The following REV3L variants were observed in gnomAD, a reference collection of about 807,000 sequenced individuals.
The protein encoded by REV3L is DNA polymerase zeta catalytic subunit.
Under a neutral mutation model 299.4 loss-of-function variants are expected in REV3L, and 69 were observed. The ratio of observed to expected loss-of-function variants is 0.23; its 90% CI spans 0.19 to 0.28. The LOEUF (loss-of-function observed/expected upper bound fraction) is 0.28. Ranked by LOEUF, REV3L falls within the 10% of genes least tolerant of loss-of-function variation. The probability of loss-of-function intolerance (pLI) is 1.00; values close to 1 mark genes in which losing one functional copy is unlikely to be tolerated. For missense variants in REV3L, 3,128 were observed against 3,693.8 expected (o/e 0.85, Z 3.97); for synonymous variants, 1,238 against 1,271.4 (o/e 0.97, Z 0.56).
rs938076769 is a variant in REV3L at position 111,372,733 on chromosome 6, A to C, written c.5622T>G (p.Thr1874=). ...ACATAAGTGGTTTCAGAATGTTAGC[A>C]GTTCGAGGGGTGAAGCTGCCATTTT... ...QSKNGSFTPR[T]ANILKPLMSP... is the part of the protein sequence containing the mutation. The change falls in exon 13 of 32, where the codon ACT becomes ACG. Residue 1874 remains threonine (T), a synonymous_variant. Coordinates refer to ENST00000368802, the MANE Select transcript of REV3L (RefSeq NM_001372078.1). 14 of 1,611,706 alleles carry C rather than the reference A, an allele frequency of 8.7e-6. No individual in the cohort carries two copies. The highest frequency in any genetic ancestry group is 1.2e-5 in the Non-Finnish European group (14 of 1,179,076).
rs1178850529 is a variant in REV3L, at chr6:111,483,096, G to C, written c.-208C>G. ...CCTCAGGAGCACCCGGCAAGGGGCC[G>C]CAGGAGAGAAGCCCTCGAGCTTTCG... On this transcript the variant is annotated 5_prime_UTR_variant, in exon 1 of 32. Transcript: ENST00000368802. The C allele has an allele frequency of 3.6e-6, 2 of 549,156 alleles. No homozygotes were observed. The highest frequency in any genetic ancestry group is 5.9e-6 in the Non-Finnish European group (2 of 336,500). The allele number at this position is 549,156 out of a possible 1,614,324, so 34.0% of individuals were successfully genotyped here.
chr6:111,395,633 T>C (rs1023919469), intron 4 of REV3L, among the ~76,000 whole-genome samples: 4 of 152,184 alleles, frequency 2.6e-5, no homozygotes, highest in African/African-American at 9.7e-5. Flanking sequence ...ATATATATCA[T>C]GTCACCTGTG....
In REV3L at chr6:111,347,283, T is replaced by A. The variant is rs1378563078; in HGVS notation, c.7419+1935A>T. 5.4e-5 allele frequency among the ~76,000 whole-genome samples: 8 copies of A among 148,924 alleles called. No individual in the cohort carries two copies. In the East Asian group the frequency reaches 1.6e-3, roughly 29 times the overall value. Reference sequence around the variant, plus strand: ...GACTCCGTCTCATAAATAAATAAAATAAAAAAAAATATATATATATAATGA... The same window carrying A: ...GACTCCGTCTCATAAATAAATAAAAAAAAAAAAAATATATATATATAATGA... On this transcript the variant is annotated intron_variant, in intron 20 of 31. Coordinates refer to ENST00000368802, the MANE Select transcript of REV3L (RefSeq NM_001372078.1).
chr6:111,475,233 T>C (rs892877228), intron 1 of REV3L, among the ~76,000 whole-genome samples: 17 of 152,320 alleles, frequency 1.1e-4, no homozygotes, highest in African/African-American at 3.8e-4. Context: ...CTGTTGAATA[T>C]ATACACCATA....
chr6:111,389,161 C>T lies in REV3L; in HGVS notation c.807G>A (p.Lys269=). ...PGLQAIWEDE[K]QRRRNRNETS... is the part of the protein sequence containing the mutation. Reference sequence around the variant, plus strand: ...TTTCATTTCTGTTTCTTCGCCGTTGCTTTTCATCTTCCCATATGGCCTGTA... The same window carrying T: ...TTTCATTTCTGTTTCTTCGCCGTTGTTTTTCATCTTCCCATATGGCCTGTA... The change falls in exon 7 of 32, where the codon AAG becomes AAA. Residue 269 remains lysine, a synonymous_variant. Coordinates refer to ENST00000368802, the MANE Select transcript of REV3L (RefSeq NM_001372078.1). The T allele has an allele frequency of 1.2e-6, 2 of 1,613,970 alleles. No homozygotes were observed. Among genetic ancestry groups the T allele is most frequent in the East Asian group, 2.2e-5 (1 of 44,834 alleles).
intron 31 of REV3L, among the ~76,000 whole-genome samples, chr6:111,302,881 C>T (rs1004819515): frequency 1.3e-5 from 2 of 152,132 alleles, no homozygotes; most frequent in Non-Finnish European, 2.9e-5. Context: ...CCAGCCTGGG[C>T]AACAGTGAGA....
chr6:111,432,798 C>T (rs1219830172), intron 1 of REV3L, among the ~76,000 whole-genome samples: 1 of 152,032 alleles, frequency 6.6e-6, no homozygotes, highest in Non-Finnish European at 1.5e-5. Context: ...ATATCTGAGA[C>T]AAAAAACAAG....
chr6:111,339,053 G>C (rs1401402171), intron 21 of REV3L, among the ~76,000 whole-genome samples: 4 of 152,046 alleles, frequency 2.6e-5, no homozygotes, highest in Admixed American at 6.5e-5. Flanking sequence ...TGAAACTGTT[G>C]TAAGGTGTTA....
intron 1 of REV3L, among the ~76,000 whole-genome samples, chr6:111,470,196 ACACACACACACACAC>A (rs1792019929): frequency 6.6e-6 from 1 of 150,876 alleles, no homozygotes; most frequent in African/African-American, 2.4e-5. Context: ...ACACACACAC[ACACACACACACACAC>A]AAATGTGAAT....
At chr6:111,307,017 T>C (rs1390728911) in intron 31 of REV3L, among the ~76,000 whole-genome samples, 1 of 128,466 alleles carries the variant, frequency 7.8e-6, no homozygotes. Context: ...GAGAGTCACG[T>C]TGGTGCTCAA....
chr6:111,407,903 T>A lies in REV3L; in HGVS notation c.405-2273A>T, dbSNP rs549167135. 1.1e-4 allele frequency among the ~76,000 whole-genome samples: 17 copies of A among 152,174 alleles called. No homozygotes were observed. In the South Asian group the frequency reaches 3.3e-3, roughly 30 times the overall value. ...GTGAGCTGAGATCGTGCCATTGACC[T>A]CCAGCCTGAGCAACAGGGCAAGATT... On this transcript the variant is annotated intron_variant, in intron 3 of 31. Coordinates refer to ENST00000368802, the MANE Select transcript of REV3L (RefSeq NM_001372078.1).
rs573093451 is a variant in REV3L, at chr6:111,431,122, G to A, written c.140-14650C>T. ...TTCTGATTTAATCTATTCAACCTAT[G>A]GGGAAGACACAGATCTTCCAAGCGA... On this transcript the variant is annotated intron_variant, in intron 1 of 31. Transcript: ENST00000368802. 1.7e-5 allele frequency: 26 copies of A among 1,508,434 alleles called. No individual in the cohort carries two copies. In the African/African-American group the frequency reaches 2.6e-4, roughly 15 times the overall value. The allele number at this position is 1,508,434 out of a possible 1,614,324, so 93.4% of individuals were successfully genotyped here.
rs1329306598 is a variant in REV3L, at chr6:111,475,014, CACACACACAT to C, written c.139+7726_139+7735del. Among the ~76,000 whole-genome samples, 66 of 151,624 alleles carry C rather than the reference CACACACACAT, an allele frequency of 4.4e-4. 1 individual carries two copies. In the East Asian group the frequency reaches 7.4e-3, roughly 17 times the overall value. The stretch of plus-strand genomic sequence containing the variant: ...ACACACACACACACACACACACACA[CACACACACAT>C]ATGGATTTTATTATAATAAAGAATT... On this transcript the variant is annotated intron_variant, in intron 1 of 31. Coordinates refer to ENST00000368802, the MANE Select transcript of REV3L (RefSeq NM_001372078.1).
Position 111,300,177 on chromosome 6 carries a change from CA to C in REV3L, c.9253-22del, listed in dbSNP as rs762071262. ...CATATCTGAAAGCATAAGAGAAATA[CA>C]AAAAATAATAGGAAAGTTTTTATGC... On this transcript the variant is annotated intron_variant, in intron 31 of 31. Transcript: ENST00000368802. 44 of 1,543,816 alleles carry C rather than the reference CA, an allele frequency of 2.9e-5. No individual in the cohort carries two copies. The South Asian group carries it at 5.0e-4, about 18-fold the overall frequency.
intron 1 of REV3L, among the ~76,000 whole-genome samples, chr6:111,480,360 C>T (rs1583156784): frequency 6.6e-6 from 1 of 152,166 alleles, no homozygotes; most frequent in East Asian, 1.9e-4. Context: ...ATAAATCTGT[C>T]TTCATTAAAA....
chr6:111,407,542 G>A (rs1231648270), intron 3 of REV3L, among the ~76,000 whole-genome samples: 1 of 152,186 alleles, frequency 6.6e-6, no homozygotes, highest in Admixed American at 6.5e-5. Context: ...AGGTCAAAAA[G>A]TAAGGACCTA....
At chr6:111,394,485 G>A (rs1423631037) in intron 4 of REV3L, among the ~76,000 whole-genome samples, 1 of 151,856 alleles carries the variant, frequency 6.6e-6, no homozygotes, top group Non-Finnish European at 1.5e-5. Flanking sequence ...TTTTCCTGTT[G>A]AGTTCCTTAC....
chr6:111,404,463 G>C (rs1401419611), intron 4 of REV3L, among the ~76,000 whole-genome samples: 2 of 152,172 alleles, frequency 1.3e-5, no homozygotes, highest in African/African-American at 4.8e-5. Flanking sequence ...GGGTCAAAGA[G>C]TAATTTCAAC....
At chr6:111,326,215 A>G (rs1319539712) in intron 25 of REV3L, among the ~76,000 whole-genome samples, 1 of 152,202 alleles carries the variant, frequency 6.6e-6, no homozygotes, top group Admixed American at 6.5e-5. Context: ...AATGGGAGAA[A>G]TTATTTGCAA....
Sources: allele counts gnomAD v4.1 joint callset (sites outside exome capture counted in the v4.1 genomes callset), GRCh38; gene constraint gnomAD v4.1.1; transcripts MANE v1.5; gene names NCBI Gene and HGNC (gene_info 2026-07-23, HGNC 2026-07-21).